GRIK1: variants seen among roughly 807,000 people sequenced by gnomAD.
The protein encoded by GRIK1 is glutamate ionotropic receptor kainate type subunit 1.
GRIK1 carries 69 observed loss-of-function variants against 105.7 expected under a neutral mutation model. The ratio of observed to expected loss-of-function variants is 0.65; its 90% CI spans 0.54 to 0.80. GRIK1 has a LOEUF of 0.80. GRIK1 is among the 30% of genes least tolerant of loss of function. The pLI is 0.00. For synonymous variants in GRIK1, 438 were observed against 431.3 expected (o/e 1.02, Z -0.19); for missense variants, 1,109 against 1,167.3 (o/e 0.95, Z 0.73).
chr21:29,601,263 A>C (rs752708643), intron 7 of GRIK1: 1 of 499,252 alleles, frequency 2.0e-6, no homozygotes, highest in Non-Finnish European at 4.1e-6. Flanking sequence ...TCTTGAGAAC[A>C]GGAGATTACA....
At chr21:29,639,691 C>G (rs1412051875) in intron 7 of GRIK1, among the ~76,000 whole-genome samples, 1 of 152,168 alleles carries the variant, frequency 6.6e-6, no homozygotes, top group Non-Finnish European at 1.5e-5. Context: ...AATCCTCTGC[C>G]ATGTAGAATT....
In GRIK1 at chr21:29,939,660, A is replaced by T; in HGVS notation, c.-160T>A. The T allele has an allele frequency of 3.8e-6, 2 of 527,970 alleles. No individual in the cohort carries two copies. The highest frequency in any genetic ancestry group is 6.6e-6 in the Non-Finnish European group (2 of 303,074). 32.7% of individuals were successfully genotyped at this position (527,970 alleles called of 1,614,324 possible). On this transcript the variant is annotated 5_prime_UTR_variant, in exon 1 of 18. Coordinates refer to ENST00000327783, the MANE Select transcript of GRIK1 (RefSeq NM_001330994.2). ...GCGAGCTCGAGGGAACCCGCGTGGG[A>T]CCGCGGAGCTGGCTGGCAAGGCTGA...
chr21:29,651,139 G>T lies in GRIK1; in HGVS notation c.933C>A (p.Gly311=), dbSNP rs779436393. The change falls in exon 6 of 18, where the codon GGC becomes GGA. Residue 311 remains glycine (G), a synonymous_variant. Transcript: ENST00000327783. ...RLQAPPRPET[G]LLDGMMTTEA... is the part of the protein sequence containing the mutation. ...TTACTGTCATCATGCCATCCAAAAG[G>T]CCAGTCTCGGGCCTGGGTGGGGCCT... is the stretch of plus-strand genomic sequence containing the variant. 22 of 1,609,148 alleles carry T rather than the reference G, an allele frequency of 1.4e-5. No homozygotes were observed. The highest frequency in any genetic ancestry group is 2.2e-5 in the East Asian group (1 of 44,842).
chr21:29,731,187 A>C (rs547307757), intron 1 of GRIK1, among the ~76,000 whole-genome samples: 10 of 152,318 alleles, frequency 6.6e-5, no homozygotes, highest in African/African-American at 2.2e-4. Context: ...GTCATAGTGG[A>C]GGAGGACTCT....
intron 2 of GRIK1, among the ~76,000 whole-genome samples, chr21:29,693,442 A>G (rs1056755986): frequency 2.0e-5 from 3 of 152,210 alleles, no homozygotes; most frequent in African/African-American, 7.2e-5. Context: ...AAGAGTAAAA[A>G]AAAGTTGAGA....
intron 1 of GRIK1, among the ~76,000 whole-genome samples, chr21:29,840,021 G>A (rs908587963): frequency 6.6e-6 from 1 of 152,176 alleles, no homozygotes; most frequent in Non-Finnish European, 1.5e-5. Context: ...GGTCAGTGAT[G>A]CTCAAGTATG....
Position 29,560,294 on chromosome 21 carries a change from T to TCTTTCTTTC in GRIK1, c.2356+1321_2356+1329dup, listed in dbSNP as rs1568812304. On this transcript the variant is annotated intron_variant, in intron 15 of 17. Transcript: ENST00000327783. The stretch of plus-strand genomic sequence containing the variant: ...TATGATACAGTTTTCTTTCTTTCTT[T>TCTTTCTTTC]CTTTCTTTCTTTCTTTCTTTCTTTC... Among the ~76,000 whole-genome samples, 66 of 90,106 alleles carry TCTTTCTTTC rather than the reference T, an allele frequency of 7.3e-4. 2 individuals carry two copies. Among genetic ancestry groups the TCTTTCTTTC allele is most frequent in the African/African-American group, 3.2e-3 (64 of 19,866 alleles). 59.1% of individuals were successfully genotyped at this position (90,106 alleles called of 152,430 possible).
At chr21:29,793,721 T>A (rs761409618) in intron 1 of GRIK1, among the ~76,000 whole-genome samples, 1 of 152,206 alleles carries the variant, frequency 6.6e-6, no homozygotes, top group Non-Finnish European at 1.5e-5. Flanking sequence ...AGCTGAATTA[T>A]AGAATAAGTT....
intron 1 of GRIK1, among the ~76,000 whole-genome samples, chr21:29,803,723 GGTAA>G (rs1189754402): frequency 1.3e-5 from 2 of 151,918 alleles, no homozygotes; most frequent in Non-Finnish European, 2.9e-5. Flanking sequence ...TCACAAAATT[GGTAA>G]GTGAGGAAAA....
chr21:29,785,019 T>C (rs913827364), intron 1 of GRIK1, among the ~76,000 whole-genome samples: 5 of 152,156 alleles, frequency 3.3e-5, no homozygotes, highest in East Asian at 1.9e-4. Context: ...ATTATTGAAG[T>C]TGCAGCAAAA....
At chr21:29,708,683 G>T (rs906286763) in intron 1 of GRIK1, among the ~76,000 whole-genome samples, 1 of 152,164 alleles carries the variant, frequency 6.6e-6, no homozygotes, top group East Asian at 1.9e-4. Context: ...GTTTCCCTCT[G>T]CCCAGTGACT....
intron 1 of GRIK1, among the ~76,000 whole-genome samples, chr21:29,771,986 T>C (rs2065825097): frequency 6.6e-6 from 1 of 152,182 alleles, no homozygotes; most frequent in Non-Finnish European, 1.5e-5. Flanking sequence ...TGATGCCAAG[T>C]CCCCCAGTTG....
At chr21:29,717,992 C>T (rs1276529093) in intron 1 of GRIK1, among the ~76,000 whole-genome samples, 1 of 152,066 alleles carries the variant, frequency 6.6e-6, no homozygotes, top group Non-Finnish European at 1.5e-5. Context: ...AGTGAGTTCT[C>T]ACAAGATCTG....
intron 9 of GRIK1, among the ~76,000 whole-genome samples, chr21:29,592,169 G>A (rs2061342959): frequency 6.6e-6 from 1 of 152,214 alleles, no homozygotes; most frequent in South Asian, 2.1e-4. Context: ...TGGGCAAAGA[G>A]TGCTTGTGAG....
chr21:29,747,338 T>C (rs946110826), intron 1 of GRIK1, among the ~76,000 whole-genome samples: 1 of 152,190 alleles, frequency 6.6e-6, no homozygotes, highest in Non-Finnish European at 1.5e-5. Context: ...TCCTTTTGAG[T>C]AGGATATGTC....
chr21:29,795,621 G>A (rs2066534201), intron 1 of GRIK1, among the ~76,000 whole-genome samples: 1 of 152,100 alleles, frequency 6.6e-6, no homozygotes, highest in Admixed American at 6.5e-5. Flanking sequence ...TAGTTTCTCA[G>A]ATGCTAATAA....
intron 1 of GRIK1, among the ~76,000 whole-genome samples, chr21:29,803,689 C>T (rs948387331): frequency 6.6e-6 from 1 of 152,006 alleles, no homozygotes; most frequent in African/African-American, 2.4e-5. Context: ...CAGCTCTGTG[C>T]AAATCCACAA....
intron 4 of GRIK1, among the ~76,000 whole-genome samples, chr21:29,657,068 G>T (rs1278120901): frequency 1.3e-5 from 2 of 152,112 alleles, no homozygotes; most frequent in Non-Finnish European, 2.9e-5. Context: ...TATCATTCGA[G>T]CATAAAGAGC....
At chr21:29,894,346 C>T (rs1317137418) in intron 1 of GRIK1, among the ~76,000 whole-genome samples, 1 of 152,116 alleles carries the variant, frequency 6.6e-6, no homozygotes, top group Non-Finnish European at 1.5e-5. Context: ...GGCCCAAGAG[C>T]CCCTGGAAAA....
Sources: allele counts gnomAD v4.1 joint callset (sites outside exome capture counted in the v4.1 genomes callset), GRCh38; gene constraint gnomAD v4.1.1; transcripts MANE v1.5; gene names NCBI Gene and HGNC (gene_info 2026-07-23, HGNC 2026-07-21).